Variants in NLN observed in about 807,000 individuals in gnomAD.
NLN encodes neurolysin, mitochondrial.
In NLN, 64 loss-of-function variants were observed where a neutral mutation model predicts 79.9. The observed-to-expected ratio is 0.80, with a 90% CI of 0.65 to 0.99. The LOEUF (loss-of-function observed/expected upper bound fraction) is 0.99, where lower values mean the gene tolerates loss of function less well. NLN is among the 50% of genes least tolerant of loss of function. The pLI, the probability that NLN is intolerant of heterozygous loss-of-function variation, is 0.00. For missense variants in NLN, 835 were observed against 858.7 expected (o/e 0.97, Z 0.34); for synonymous variants, 267 against 296.6 (o/e 0.90, Z 1.02).
rs997117055 is a variant in NLN, at chr5:65,824,022, A to T, written c.*1107A>T. The T allele has an allele frequency of 6.6e-6, 1 of 152,166 alleles. No homozygotes were observed. The highest frequency in any genetic ancestry group is 2.4e-5 in the African/African-American group (1 of 41,444). 9.4% of individuals were successfully genotyped at this position (152,166 alleles called of 1,614,324 possible). On this transcript the variant is annotated 3_prime_UTR_variant, in exon 13 of 13. Coordinates refer to ENST00000380985, the MANE Select transcript of NLN (RefSeq NM_020726.5). ...ATTTTTATTTTAAGTGAACCTTTGG[A>T]TCTATCTTTAACTCTCTTTATTGTG...
chr5:65,795,778 T>C (rs1458365640), intron 9 of NLN, among the ~76,000 whole-genome samples: 1 of 152,246 alleles, frequency 6.6e-6, no homozygotes, highest in Non-Finnish European at 1.5e-5. Context: ...CACACTGTGG[T>C]TGACATTTCC....
intron 1 of NLN, among the ~76,000 whole-genome samples, chr5:65,724,753 C>A (rs1370889194): frequency 6.6e-6 from 1 of 151,670 alleles, no homozygotes; most frequent in Non-Finnish European, 1.5e-5. Flanking sequence ...GCACTTATTT[C>A]CTGGTTTTGA....
At chr5:65,730,619 C>A (rs1237495734) in intron 1 of NLN, among the ~76,000 whole-genome samples, 1 of 151,350 alleles carries the variant, frequency 6.6e-6, no homozygotes, top group Non-Finnish European at 1.5e-5. Flanking sequence ...TGCAATGGCG[C>A]AATCTCAGCT....
chr5:65,800,660 T>G (rs1760265025), intron 9 of NLN, among the ~76,000 whole-genome samples: 2 of 130,890 alleles, frequency 1.5e-5, no homozygotes, highest in South Asian at 4.9e-4. Context: ...TGAAGAAAAC[T>G]CTCTTATTTA....
rs543703556 is a variant in NLN, at chr5:65,826,615, C to T, written c.*3700C>T. 6.6e-6 allele frequency: 1 copy of T among 152,204 alleles called. No individual in the cohort carries two copies. The highest frequency in any genetic ancestry group is 2.4e-5 in the African/African-American group (1 of 41,524). The allele number at this position is 152,204 out of a possible 1,614,324, so 9.4% of individuals were successfully genotyped here. A position where few individuals can be genotyped will look rare whatever the true frequency, so the allele number is the denominator to read the frequency against. ...TATAAATGTGTGGTGAGAATAAAAG[C>T]AACAAAGAAATGAATGTGGTGGCTC... On this transcript the variant is annotated 3_prime_UTR_variant, in exon 13 of 13. Transcript: ENST00000380985.
At chr5:65,750,879 C>G (rs1759087788) in intron 1 of NLN, among the ~76,000 whole-genome samples, 1 of 152,046 alleles carries the variant, frequency 6.6e-6, no homozygotes, top group Non-Finnish European at 1.5e-5. Context: ...ATAAAGGAGT[C>G]CTATATGGTC....
chr5:65,803,425 A>G (rs1760334101), intron 9 of NLN, among the ~76,000 whole-genome samples: 1 of 152,114 alleles, frequency 6.6e-6, no homozygotes, highest in Admixed American at 6.5e-5. Context: ...TGCTGTCCTG[A>G]GCATATGGAC....
intron 1 of NLN, among the ~76,000 whole-genome samples, chr5:65,742,845 C>T (rs1758901395): frequency 6.6e-6 from 1 of 152,184 alleles, no homozygotes; most frequent in Non-Finnish European, 1.5e-5. Context: ...TTTTCTTCAA[C>T]AACTCTGTTG....
At chr5:65,774,885 C>T (rs1436873747) in intron 3 of NLN, among the ~76,000 whole-genome samples, 1 of 151,816 alleles carries the variant, frequency 6.6e-6, no homozygotes, top group Non-Finnish European at 1.5e-5. Context: ...CCACCACACC[C>T]GGCTGATTTT....
intron 3 of NLN, among the ~76,000 whole-genome samples, chr5:65,769,516 A>C (rs1759523447): frequency 6.6e-6 from 1 of 152,200 alleles, no homozygotes; most frequent in South Asian, 2.1e-4. Flanking sequence ...TGCCCCATAA[A>C]TGTATACACC....
intron 8 of NLN, among the ~76,000 whole-genome samples, chr5:65,792,105 G>A (rs1760073679): frequency 1.3e-5 from 2 of 152,094 alleles, no homozygotes; most frequent in Non-Finnish European, 1.5e-5. Context: ...TTCAAATGTG[G>A]GTTTCAGCAT....
chr5:65,723,437 G>A (rs1758367572), intron 1 of NLN, among the ~76,000 whole-genome samples: 1 of 152,100 alleles, frequency 6.6e-6, no homozygotes, highest in South Asian at 2.1e-4. Context: ...GGCTGCAATC[G>A]ATATAGCTGT....
intron 1 of NLN, among the ~76,000 whole-genome samples, chr5:65,754,114 T>C (rs923329730): frequency 2.0e-5 from 3 of 152,210 alleles, no homozygotes; most frequent in African/African-American, 4.8e-5. Flanking sequence ...GCAAATAATA[T>C]AAAACCCCAT....
At chr5:65,742,337 A>G (rs1271014547) in intron 1 of NLN, among the ~76,000 whole-genome samples, 1 of 152,204 alleles carries the variant, frequency 6.6e-6, no homozygotes. Flanking sequence ...AAATAAATGT[A>G]TATTTATGCT....
At chr5:65,724,706 A>G (rs1259233335) in intron 1 of NLN, among the ~76,000 whole-genome samples, 1 of 152,048 alleles carries the variant, frequency 6.6e-6, no homozygotes, top group Non-Finnish European at 1.5e-5. Flanking sequence ...TCCCATTGGC[A>G]GTACCTAAGG....
chr5:65,725,880 T>C (rs1271872137), intron 1 of NLN, among the ~76,000 whole-genome samples: 2 of 152,174 alleles, frequency 1.3e-5, no homozygotes, highest in Non-Finnish European at 2.9e-5. Flanking sequence ...TGGGAGGCCA[T>C]GGCAGGTGGA....
At chr5:65,781,054 T>C (rs968491074) in intron 5 of NLN, among the ~76,000 whole-genome samples, 4 of 152,200 alleles carry the variant, frequency 2.6e-5, no homozygotes, top group Non-Finnish European at 1.5e-5. Flanking sequence ...TGTTCATATT[T>C]TGAATTGCCG....
At chr5:65,793,960 T>C (rs1760119211) in intron 9 of NLN, among the ~76,000 whole-genome samples, 1 of 152,218 alleles carries the variant, frequency 6.6e-6, no homozygotes, top group African/African-American at 2.4e-5. Context: ...TTTTCCTTAA[T>C]GGTCTTTATA....
chr5:65,770,609 CTTAGTA>C (rs1019062029), intron 3 of NLN, among the ~76,000 whole-genome samples: 6 of 152,146 alleles, frequency 3.9e-5, no homozygotes, highest in Non-Finnish European at 7.4e-5. Context: ...TGGAGAAAAA[CTTAGTA>C]TTAGAAAGTT....
Sources: gnomAD v4.1 joint callset for allele counts (sites outside exome capture counted in the v4.1 genomes callset) on GRCh38, gnomAD v4.1.1 for gene constraint, MANE v1.5 for transcripts, NCBI Gene and HGNC (gene_info 2026-07-23, HGNC 2026-07-21) for gene names.